PHACTR1: variants seen among roughly 807,000 people sequenced by gnomAD.
PHACTR1 encodes RPEL repeat containing 1.
Under a neutral mutation model 69.2 loss-of-function variants are expected in PHACTR1, and 16 were observed. The observed-to-expected ratio is 0.23, with a 90% CI of 0.16 to 0.35. The LOEUF is 0.35. Ranked by LOEUF, PHACTR1 falls within the 10% of genes least tolerant of loss-of-function variation. The pLI is 1.00. For missense variants in PHACTR1, 510 were observed against 734.7 expected (o/e 0.69, Z 3.54); for synonymous variants, 312 against 284.5 (o/e 1.10, Z -0.97).
chr6:13,065,977 A>C (rs1393097597), intron 5 of PHACTR1, among the ~76,000 whole-genome samples: 1 of 152,026 alleles, frequency 6.6e-6, no homozygotes, highest in East Asian at 1.9e-4. Flanking sequence ...AAGATCCAGC[A>C]TAGGTAAGCA....
intron 5 of PHACTR1, among the ~76,000 whole-genome samples, chr6:13,056,323 C>T (rs1806774925): frequency 6.6e-6 from 1 of 152,118 alleles, no homozygotes; most frequent in Non-Finnish European, 1.5e-5. Context: ...TTGCTTGAAC[C>T]CAGGAGTTTA....
intron 4 of PHACTR1, among the ~76,000 whole-genome samples, chr6:13,041,339 T>TACATACATACACAC (rs1554113082): frequency 8.2e-4 from 111 of 135,466 alleles, no homozygotes; most frequent in Middle Eastern, 3.8e-3. Flanking sequence ...TTAAAATACA[T>TACATACATACACAC]ACACACACAC....
intron 5 of PHACTR1, among the ~76,000 whole-genome samples, chr6:13,134,272 C>T (rs1821149879): frequency 1.3e-5 from 2 of 152,014 alleles, no homozygotes; most frequent in Non-Finnish European, 2.9e-5. Flanking sequence ...TCTGCCCGGC[C>T]GCCACCCCGT....
At chr6:12,935,635 G>GTGTT (rs1471537398) in intron 4 of PHACTR1, among the ~76,000 whole-genome samples, 1 of 152,030 alleles carries the variant, frequency 6.6e-6, no homozygotes, top group Non-Finnish European at 1.5e-5. Flanking sequence ...CCACGTGTGT[G>GTGTT]TGTGTGTGTA....
chr6:13,162,279 G>GTTTT (rs1300048448), intron 6 of PHACTR1, among the ~76,000 whole-genome samples: 3 of 149,584 alleles, frequency 2.0e-5, no homozygotes, highest in Non-Finnish European at 4.4e-5. Context: ...TTGTTTTTTT[G>GTTTT]TTTGTTTGTT....
intron 4 of PHACTR1, among the ~76,000 whole-genome samples, chr6:12,928,910 G>A (rs890511137): frequency 3.7e-4 from 57 of 152,322 alleles, no homozygotes; most frequent in South Asian, 2.1e-4. Flanking sequence ...AGAGGGAAGC[G>A]AGGTGATTCA....
At chr6:13,271,638 A>T (rs1015873465) in intron 10 of PHACTR1, among the ~76,000 whole-genome samples, 1 of 152,082 alleles carries the variant, frequency 6.6e-6, no homozygotes, top group African/African-American at 2.4e-5. Flanking sequence ...TCTCTAAATT[A>T]CTTATATCTA....
chr6:13,162,173 C>T (rs1759123127), intron 6 of PHACTR1, among the ~76,000 whole-genome samples: 1 of 152,170 alleles, frequency 6.6e-6, no homozygotes, highest in African/African-American at 2.4e-5. Context: ...GATCTTAGCT[C>T]ACTGCAACCT....
At chr6:13,021,122 C>T (rs953554085) in intron 4 of PHACTR1, among the ~76,000 whole-genome samples, 3 of 152,158 alleles carry the variant, frequency 2.0e-5, no homozygotes, top group Admixed American at 6.5e-5. Context: ...TTTCCTTACA[C>T]CTAAAAAGCA....
At chr6:13,218,859 AAGAGAAGAGAAGAGAAGAG>A (rs1562013500) in intron 8 of PHACTR1, among the ~76,000 whole-genome samples, 3 of 4,330 alleles carry the variant, frequency 6.9e-4, no homozygotes, top group African/African-American at 1.9e-3. Context: ...GAGGAAAGAG[AAGAGAAGAGAAGAGAAGAG>A]AAGAGAAGAG....
At chr6:12,838,421 C>T (rs975841250) in intron 4 of PHACTR1, among the ~76,000 whole-genome samples, 1 of 152,138 alleles carries the variant, frequency 6.6e-6, no homozygotes, top group East Asian at 1.9e-4. Context: ...ATTGAAAGAC[C>T]ATATATAACC....
At chr6:13,095,988 T>C (rs1814179431) in intron 5 of PHACTR1, among the ~76,000 whole-genome samples, 1 of 152,148 alleles carries the variant, frequency 6.6e-6, no homozygotes, top group South Asian at 2.1e-4. Context: ...AACTGTGTGC[T>C]TTCCAGTAGT....
intron 4 of PHACTR1, among the ~76,000 whole-genome samples, chr6:12,859,691 C>A (rs182898316): frequency 7.9e-5 from 12 of 152,276 alleles, no homozygotes; most frequent in Admixed American, 7.8e-4. Flanking sequence ...AGGCCATCAC[C>A]AAGTAGCCTG....
At chr6:12,951,063 T>C (rs1021680344) in intron 4 of PHACTR1, among the ~76,000 whole-genome samples, 1 of 152,192 alleles carries the variant, frequency 6.6e-6, no homozygotes, top group Non-Finnish European at 1.5e-5. Flanking sequence ...AGCTGTCATA[T>C]AGATTTTGTG....
intron 4 of PHACTR1, among the ~76,000 whole-genome samples, chr6:12,843,769 A>T (rs16873447): frequency 0.19 from 28,745 of 152,222 alleles, 2,923 homozygotes; most frequent in African/African-American, 0.26. Flanking sequence ...AACAGACTTC[A>T]TAGTAGGTAT....
At chr6:12,884,697 G>C (rs745746145) in intron 4 of PHACTR1, among the ~76,000 whole-genome samples, 2 of 152,106 alleles carry the variant, frequency 1.3e-5, no homozygotes, top group Non-Finnish European at 1.5e-5. Flanking sequence ...CACCGCGCCC[G>C]GCCTTTGGAA....
rs114916542 is a variant in PHACTR1 at position 13,283,287 on chromosome 6, T to C, written c.1510-135T>C. ...CCCACCCTGGCCCTCCCCCTGCCCC[T>C]GCCCCTCACTCACTATGCGATGCAT... is the stretch of plus-strand genomic sequence containing the variant. On this transcript the variant is annotated intron_variant, in intron 12 of 14. Transcript: ENST00000332995. The surrounding 1 kb of genome is among the most constrained non-coding windows in gnomAD (Gnocchi z 4.7). 1.2e-4 allele frequency: 43 copies of C among 352,388 alleles called. No individual in the cohort carries two copies. The highest frequency in any genetic ancestry group is 7.9e-4 in the Middle Eastern group (1 of 1,270). The allele number at this position is 352,388 out of a possible 1,614,324, so 21.8% of individuals were successfully genotyped here.
chr6:12,893,721 T>G (rs1234003831), intron 4 of PHACTR1, among the ~76,000 whole-genome samples: 2 of 152,176 alleles, frequency 1.3e-5, no homozygotes, highest in Non-Finnish European at 2.9e-5. Flanking sequence ...TTTCCTTTTC[T>G]CTTCTTCCAG....
At chr6:12,768,723 T>C (rs1442677388) in intron 4 of PHACTR1, among the ~76,000 whole-genome samples, 1 of 151,798 alleles carries the variant, frequency 6.6e-6, no homozygotes. Flanking sequence ...CCTATGGTAG[T>C]TATATTTTTA....
Sources: gnomAD v4.1 joint callset for allele counts (sites outside exome capture counted in the v4.1 genomes callset) on GRCh38, gnomAD v4.1.1 for gene constraint, Gnocchi (gnomAD v3.1) non-coding constraint, MANE v1.5 for transcripts, NCBI Gene and HGNC (gene_info 2026-07-23, HGNC 2026-07-21) for gene names.